Variants in PLCH2 observed in about 807,000 individuals in gnomAD.
The protein encoded by PLCH2 is phospholipase C eta 2.
PLCH2 carries 98 observed loss-of-function variants against 134.7 expected under a neutral mutation model. The observed-to-expected ratio is 0.73, with a 90% CI of 0.62 to 0.86. The LOEUF (loss-of-function observed/expected upper bound fraction) is 0.86. PLCH2 is among the 40% of genes least tolerant of loss of function. PLCH2 has a pLI of 0.00. For synonymous variants in PLCH2, 974 were observed against 827.5 expected, an observed-to-expected ratio of 1.18 and a Z score of -3.04; for missense variants, 1,994 against 1,986.6, an observed-to-expected ratio of 1.00 and a Z score of -0.07.
chr1:2,456,560 C>T (rs1219183083), intron 2 of PLCH2, among the ~76,000 whole-genome samples: 1 of 152,222 alleles, frequency 6.6e-6, no homozygotes, highest in Non-Finnish European at 1.5e-5. Context: ...TCGTCCTGTG[C>T]AGCCCCCGCC....
chr1:2,504,166 C>G lies in PLCH2; in HGVS notation c.3204C>G (p.Tyr1068Ter), dbSNP rs929460575. The G allele has an allele frequency of 1.3e-6, 2 of 1,529,744 alleles. No individual in the cohort carries two copies. Among genetic ancestry groups the G allele is most frequent in the East Asian group, 2.4e-5 (1 of 40,878 alleles). 94.8% of individuals were successfully genotyped at this position (1,529,744 alleles called of 1,614,324 possible). A position where few individuals can be genotyped will look rare whatever the true frequency, so the allele number is the denominator to read the frequency against. ...ACGGCGAGGGCGCCGGCGGGGCATA[C>G]GAGAGGGCCCCCGGCAGCCAGACGG... is the stretch of plus-strand genomic sequence containing the variant. ...PCNGEGAGGA[Y>*]ERAPGSQTDG... The change falls in exon 22 of 22, where the codon TAC becomes TAG. Residue 1068 changes from tyrosine (Y) to a stop codon, truncating the protein, a stop_gained. Coordinates refer to ENST00000378486, the MANE Select transcript of PLCH2 (RefSeq NM_014638.4). LOFTEE classifies it high-confidence loss of function.
chr1:2,451,743 G>C (rs1640241625), intron 2 of PLCH2, among the ~76,000 whole-genome samples: 1 of 152,164 alleles, frequency 6.6e-6, no homozygotes, highest in South Asian at 2.1e-4. Flanking sequence ...CTCCCTGGGG[G>C]CTGGGCAGCG....
chr1:2,456,665 T>C (rs1332035385), intron 2 of PLCH2, among the ~76,000 whole-genome samples: 1 of 152,070 alleles, frequency 6.6e-6, no homozygotes, highest in African/African-American at 2.4e-5. Flanking sequence ...GCCATGGCTG[T>C]AACTTGAGGG....
upstream of PLCH2, among the ~76,000 whole-genome samples, chr1:2,472,899 C>T (rs1641401225): frequency 3.3e-5 from 5 of 152,046 alleles, no homozygotes; most frequent in Admixed American, 3.3e-4. Flanking sequence ...CAAAGCTGCC[C>T]CGGGTGTGTG....
chr1:2,502,119 A>G lies in PLCH2; in HGVS notation c.2669A>G (p.Gln890Arg). ...GGGCTCCTTCTCTTGCAGGTCAAGC[A>G]GGCTCTGGGCCTAAAAGGCCTCTTC... ...AVSDISGKVK[Q>R]ALGLKGLFLR... Residue 890 changes from glutamine (Q) to arginine (R), a missense_variant, in exon 21 of 22, where the codon CAG becomes CGG. Around this residue, in one of 2 missense-constraint regions of PLCH2, gnomAD observed 1,094 missense variants for 1,234.3 expected, o/e 0.89. Transcript: ENST00000378486. 1 of 1,440,850 alleles carries G rather than the reference A, an allele frequency of 6.9e-7. No homozygotes were observed. Among genetic ancestry groups the G allele is most frequent in the Non-Finnish European group, 9.1e-7 (1 of 1,100,870 alleles). 89.3% of individuals were successfully genotyped at this position (1,440,850 alleles called of 1,614,324 possible). A position where few individuals can be genotyped will look rare whatever the true frequency, so the allele number is the denominator to read the frequency against.
In PLCH2 at chr1:2,504,443, C is replaced by T. The variant is rs770787116; in HGVS notation, c.3481C>T (p.Pro1161Ser). The T allele has an allele frequency of 6.2e-7, 1 of 1,612,666 alleles. No homozygotes were observed. The highest frequency in any genetic ancestry group is 2.2e-5 in the East Asian group (1 of 44,874). Residue 1161 changes from proline (P) to serine (S), a missense_variant, in exon 22 of 22, where the codon CCC becomes TCC. Pro to Ser is a moderately conservative substitution (Grantham distance 74). Coordinates refer to ENST00000378486, the MANE Select transcript of PLCH2 (RefSeq NM_014638.4). ...CGACACTGTCATTGACCTCTCCCTG[C>T]CCAGCCTGGGCCTGGGCCGCAGCCG... Reference protein sequence around the residue: ...SSDTVIDLSLPSLGLGRSREN... With the variant: ...SSDTVIDLSLSSLGLGRSREN...
intron 2 of PLCH2, among the ~76,000 whole-genome samples, chr1:2,437,990 G>A (rs1570250863): frequency 6.6e-6 from 1 of 152,176 alleles, no homozygotes; most frequent in East Asian, 1.9e-4. Flanking sequence ...CCCCAACTGA[G>A]CATCCGCCAA....
upstream of PLCH2, among the ~76,000 whole-genome samples, chr1:2,424,986 AAAAAAAC>A (rs899576410): frequency 2.6e-5 from 4 of 151,880 alleles, no homozygotes; most frequent in South Asian, 2.1e-4. Flanking sequence ...ACTCCGTCTC[AAAAAAAC>A]AAAAAACAAA....
chr1:2,453,872 C>T (rs181241856), intron 2 of PLCH2, among the ~76,000 whole-genome samples: 16 of 152,184 alleles, frequency 1.1e-4, no homozygotes, highest in Admixed American at 5.9e-4. Context: ...GCAACGGTGG[C>T]GGGGGCTGCT....
chr1:2,455,910 G>A (rs988843940), intron 2 of PLCH2, among the ~76,000 whole-genome samples: 1 of 152,264 alleles, frequency 6.6e-6, no homozygotes, highest in Non-Finnish European at 1.5e-5. Context: ...CTGTGTGCGT[G>A]TGTGTGCCTG....
At chr1:2,449,653 C>T (rs1640102618) in intron 2 of PLCH2, among the ~76,000 whole-genome samples, 1 of 152,204 alleles carries the variant, frequency 6.6e-6, no homozygotes, top group South Asian at 2.1e-4. Flanking sequence ...GGTGGTGTCA[C>T]TGGGGTGGAG....
chr1:2,421,260 G>A (rs551306929), upstream of PLCH2, among the ~76,000 whole-genome samples: 1 of 152,186 alleles, frequency 6.6e-6, no homozygotes, highest in South Asian at 2.1e-4. Context: ...ACTCTTAGCA[G>A]CTGTTGAGAA....
Position 2,504,710 on chromosome 1 carries a change from G to A in PLCH2, c.3748G>A (p.Val1250Met), listed in dbSNP as rs746136924. The A allele has an allele frequency of 8.1e-6, 13 of 1,612,562 alleles. No homozygotes were observed. The highest frequency in any genetic ancestry group is 4.4e-5 in the South Asian group (4 of 91,088). The change falls in exon 22 of 22, where the codon GTG becomes ATG. Residue 1250 changes from valine to methionine, a missense_variant. Val to Met is a conservative substitution (Grantham distance 21, BLOSUM62 1). Transcript: ENST00000378486. ...CCTGGTGGGCGTGCAGGACTGCCCCGTGGCTGCCAAGTCCAAGAGCCTGGG... is the reference window on the plus strand; with the variant it reads ...CCTGGTGGGCGTGCAGGACTGCCCCATGGCTGCCAAGTCCAAGAGCCTGGG... ...LSLVGVQDCP[V>M]AAKSKSLGDL...
intron 2 of PLCH2, among the ~76,000 whole-genome samples, chr1:2,449,134 C>G (rs1223819205): frequency 1.0e-4 from 15 of 149,420 alleles, no homozygotes; most frequent in African/African-American, 2.0e-4. Context: ...GATTCAGCAC[C>G]CCCACCCCCC....
chr1:2,429,693 C>T (rs10910075), intron 1 of PLCH2, among the ~76,000 whole-genome samples: 24,652 of 152,170 alleles, frequency 0.16, 2,290 homozygotes, highest in East Asian at 0.33. Flanking sequence ...GGGCTGCGTG[C>T]GTGGTGACCA....
At position 2,487,494 on chromosome 1, in the gene PLCH2, C is replaced by A. The variant is rs971183235; in HGVS notation, c.1115-104C>A. 7 of 1,492,760 alleles carry A rather than the reference C, an allele frequency of 4.7e-6. No individual in the cohort carries two copies. In the African/African-American group the frequency reaches 5.5e-5, roughly 12 times the overall value. 92.5% of individuals were successfully genotyped at this position (1,492,760 alleles called of 1,614,324 possible). ...GGGGCTGGGAAGGCCTCTTCTGTGT[C>A]CCTCACTGAGCAATGGGACAGGCCC... On this transcript the variant is annotated intron_variant, in intron 7 of 21. Coordinates refer to ENST00000378486, the MANE Select transcript of PLCH2 (RefSeq NM_014638.4).
rs888927010 is a variant in PLCH2, at chr1:2,476,779, G to A, written c.124+67G>A. 3 of 1,483,380 alleles carry A rather than the reference G, an allele frequency of 2.0e-6. No homozygotes were observed. The Admixed American group carries it at 6.8e-5, about 34-fold the overall frequency. The allele number at this position is 1,483,380 out of a possible 1,614,324, so 91.9% of individuals were successfully genotyped here. Reference sequence around the variant, plus strand: ...CTGGCCAGGTGACTGGTGGGTGGGGGCTGTTCCTGGAGGTGGGGGAAGCCT... The same window carrying A: ...CTGGCCAGGTGACTGGTGGGTGGGGACTGTTCCTGGAGGTGGGGGAAGCCT... On this transcript the variant is annotated intron_variant, in intron 1 of 21. Coordinates refer to ENST00000378486, the MANE Select transcript of PLCH2 (RefSeq NM_014638.4).
chr1:2,445,914 C>T (rs371910063), intron 2 of PLCH2, among the ~76,000 whole-genome samples: 37 of 152,346 alleles, frequency 2.4e-4, no homozygotes, highest in African/African-American at 7.2e-4. Flanking sequence ...CTAATAGGAC[C>T]GCTTCATTAG....
chr1:2,439,676 C>T lies in PLCH2; in HGVS notation c.115+9047C>T, dbSNP rs983733383. Among the ~76,000 whole-genome samples, 1 of 152,206 alleles carries T rather than the reference C, an allele frequency of 6.6e-6. No individual in the cohort carries two copies. The highest frequency in any genetic ancestry group is 6.5e-5 in the Admixed American group (1 of 15,286). On this transcript the variant is annotated intron_variant, in intron 2 of 3. Transcript: ENST00000609981. This position sits in a 1 kb window ranked among gnomAD's most constrained non-coding sequence, Gnocchi z 4.7. ...GCAGAAGGGCCTCTGAGACCTCCCGCCCAGGTCTCTGGCCCTGAGCCATCT... is the reference window on the plus strand; with the variant it reads ...GCAGAAGGGCCTCTGAGACCTCCCGTCCAGGTCTCTGGCCCTGAGCCATCT...
Sources: gnomAD v4.1 joint callset for allele counts (sites outside exome capture counted in the v4.1 genomes callset) on GRCh38, gnomAD v4.1.1 for gene constraint, gnomAD v4.1.1 regional missense constraint, Gnocchi (gnomAD v3.1) non-coding constraint, MANE v1.5 for transcripts, NCBI Gene and HGNC (gene_info 2026-07-23, HGNC 2026-07-21) for gene names.